Variants in QTMAN observed in about 807,000 individuals in gnomAD.
QTMAN encodes tRNA-queuosine alpha-mannosyltransferase.
At chr2:144,141,970 G>A in the QTMAN span, 2 of 1,610,214 alleles carry the variant, frequency 1.2e-6, no homozygotes, top group Non-Finnish European at 1.7e-6. Context: ...CTGTGATCAG[G>A]AATCAGCTTC....
the QTMAN span, among the ~76,000 whole-genome samples, chr2:144,128,600 A>C: frequency 2.6e-5 from 4 of 151,938 alleles, no homozygotes; most frequent in Non-Finnish European, 5.9e-5. Flanking sequence ...AATTTCATGA[A>C]GTTTTTTCTC....
chr2:144,104,368 C>G, the QTMAN span, among the ~76,000 whole-genome samples: 1 of 152,280 alleles, frequency 6.6e-6, no homozygotes, highest in East Asian at 1.9e-4. Context: ...CCAAGGGAAG[C>G]GGTGATGGAT....
the QTMAN span, among the ~76,000 whole-genome samples, chr2:144,164,415 G>A: frequency 6.6e-6 from 1 of 152,118 alleles, no homozygotes; most frequent in East Asian, 1.9e-4. Flanking sequence ...TTATTAAATT[G>A]TTTTGGCAAT....
the QTMAN span, chr2:143,939,195 T>C: frequency 6.6e-6 from 1 of 152,232 alleles, no homozygotes; most frequent in African/African-American, 2.4e-5. Flanking sequence ...ATTAGGAGTT[T>C]TTCTTTTTCT....
the QTMAN span, among the ~76,000 whole-genome samples, chr2:144,032,978 A>G: frequency 1.3e-5 from 2 of 152,228 alleles, no homozygotes; most frequent in African/African-American, 4.8e-5. Context: ...AATTTCAAAA[A>G]CAAGAGACAG....
chr2:143,943,308 G>A, the QTMAN span: 1 of 152,248 alleles, frequency 6.6e-6, no homozygotes, highest in South Asian at 2.1e-4. Flanking sequence ...AATGAAACAT[G>A]TTCAAGTCAG....
chr2:144,202,244 C>T, the QTMAN span, among the ~76,000 whole-genome samples: 6 of 152,238 alleles, frequency 3.9e-5, no homozygotes, highest in South Asian at 1.2e-3. Flanking sequence ...AAGGAAAGGG[C>T]AACAGAGTAT....
At chr2:144,205,455 G>C in the QTMAN span, among the ~76,000 whole-genome samples, 1 of 152,294 alleles carries the variant, frequency 6.6e-6, no homozygotes, top group African/African-American at 2.4e-5. Context: ...ATCAACCCAA[G>C]CTGCAAGGAG....
At chr2:144,119,788 CTT>C in the QTMAN span, among the ~76,000 whole-genome samples, 1 of 151,960 alleles carries the variant, frequency 6.6e-6, no homozygotes. Flanking sequence ...TGTTCATACT[CTT>C]CTCTTCTTTT....
chr2:144,098,193 A>T, the QTMAN span, among the ~76,000 whole-genome samples: 1 of 152,194 alleles, frequency 6.6e-6, no homozygotes. Context: ...CACAACCAAT[A>T]CGTCAAAATT....
At chr2:144,132,908 TG>T in the QTMAN span, among the ~76,000 whole-genome samples, 3 of 150,046 alleles carry the variant, frequency 2.0e-5, no homozygotes, top group Admixed American at 2.0e-4. Context: ...ACACCTAAGG[TG>T]GGGGGCTGCT....
At chr2:144,143,232 C>T in the QTMAN span, among the ~76,000 whole-genome samples, 1 of 151,878 alleles carries the variant, frequency 6.6e-6, no homozygotes, top group Non-Finnish European at 1.5e-5. Flanking sequence ...AGGCTGTAAT[C>T]CTATCGTAAG....
the QTMAN span, among the ~76,000 whole-genome samples, chr2:143,947,850 G>T: frequency 1.3e-5 from 2 of 151,854 alleles, no homozygotes; most frequent in African/African-American, 4.8e-5. Context: ...AAATAAAATT[G>T]CAGGAGGAGG....
chr2:143,993,792 T>C, the QTMAN span, among the ~76,000 whole-genome samples: 1 of 152,082 alleles, frequency 6.6e-6, no homozygotes, highest in Non-Finnish European at 1.5e-5. Context: ...AGGAAGCAAA[T>C]ATAGTGTTCA....
At chr2:144,211,236 G>A in the QTMAN span, 49 of 152,372 alleles carry the variant, frequency 3.2e-4, no homozygotes, top group African/African-American at 1.2e-3. Context: ...GCATGTGGGA[G>A]GCTGAAAAAC....
At chr2:144,041,583 C>G in the QTMAN span, among the ~76,000 whole-genome samples, 9 of 152,226 alleles carry the variant, frequency 5.9e-5, no homozygotes, top group Non-Finnish European at 1.3e-4. Context: ...TCTATTCTTA[C>G]TATTAGCAAA....
At chr2:144,249,154 T>A in the QTMAN span, among the ~76,000 whole-genome samples, 2 of 152,176 alleles carry the variant, frequency 1.3e-5, no homozygotes, top group Non-Finnish European at 2.9e-5. Context: ...TTTATTTAGA[T>A]CTAGTTTCAA....
At chr2:144,266,330 T>G in the QTMAN span, among the ~76,000 whole-genome samples, 1 of 152,200 alleles carries the variant, frequency 6.6e-6, no homozygotes, top group East Asian at 1.9e-4. Flanking sequence ...AAAAAGTGGT[T>G]GTAAAAAAGA....
the QTMAN span, among the ~76,000 whole-genome samples, chr2:144,190,484 A>ACT: frequency 6.6e-6 from 1 of 152,332 alleles, no homozygotes; most frequent in South Asian, 2.1e-4. Context: ...TCTTTTGATA[A>ACT]CTGAATCAAG....
Sources: allele counts gnomAD v4.1 joint callset (sites outside exome capture counted in the v4.1 genomes callset), GRCh38; gene constraint gnomAD v4.1.1; transcripts MANE v1.5; gene names NCBI Gene and HGNC (gene_info 2026-07-23, HGNC 2026-07-21).